The following MRAP variants were observed in gnomAD, a reference collection of about 807,000 sequenced individuals.
The protein encoded by MRAP is melanocortin-2 receptor accessory protein.
Under a neutral mutation model 8.7 loss-of-function variants are expected in MRAP, and 8 were observed. The observed-to-expected ratio is 0.92, with a 90% CI of 0.54 to 1.66. The LOEUF (loss-of-function observed/expected upper bound fraction) is 1.66, where lower values mean the gene tolerates loss of function less well. MRAP is among the 40% of genes most tolerant of loss of function. The pLI is 0.00. For synonymous variants in MRAP, 95 were observed against 95.5 expected (o/e 1.00, Z 0.03); for missense variants, 237 against 217.1 (o/e 1.09, Z -0.58).
At chr21:32,300,341 C>T (rs551677392) in intron 1 of MRAP, among the ~76,000 whole-genome samples, 17 of 151,356 alleles carry the variant, frequency 1.1e-4, no homozygotes, top group African/African-American at 2.7e-4. Context: ...ATGTCAGGGG[C>T]GTCACGCGTC....
intron 2 of MRAP, chr21:32,310,954 T>C (rs1177615979): frequency 6.6e-6 from 1 of 152,246 alleles, no homozygotes; most frequent in Non-Finnish European, 1.5e-5. Context: ...ACAGGGAGGA[T>C]GCATCTCTAG....
chr21:32,312,120 A>C lies in MRAP; in HGVS notation c.*124A>C. ...AGAAAGGGCACCTAGGTCAAGTGCA[A>C]CTAGAGCAGGAGCATCCTATGCCTT... On this transcript the variant is annotated 3_prime_UTR_variant, in exon 3 of 3. Coordinates refer to ENST00000303645, the MANE Select transcript of MRAP (RefSeq NM_001379228.1). The C allele has an allele frequency of 6.4e-7, 1 of 1,557,362 alleles. No homozygotes were observed. The highest frequency in any genetic ancestry group is 1.3e-5 in the African/African-American group (1 of 74,226).
chr21:32,311,876 C>A lies in MRAP; in HGVS notation c.399C>A (p.Leu133=). 6.2e-7 allele frequency: 1 copy of A among 1,614,082 alleles called. No individual in the cohort carries two copies. The highest frequency in any genetic ancestry group is 1.1e-5 in the South Asian group (1 of 91,086). Residue 133 remains leucine, a synonymous_variant, in exon 3 of 3, where the codon CTC becomes CTA. Transcript: ENST00000303645. ...LRQESSSTLP[L]GGFQTHPTLL... is the part of the protein sequence containing the mutation. ...AGGAGAGCTCCTCCACCTTGCCCCT[C>A]GGGGGTTTCCAGACCCACCCCACTC... is the stretch of plus-strand genomic sequence containing the variant.
intron 1 of MRAP, among the ~76,000 whole-genome samples, chr21:32,299,990 A>G (rs2032221581): frequency 6.6e-6 from 1 of 152,168 alleles, no homozygotes; most frequent in Non-Finnish European, 1.5e-5. Context: ...AACAAAACAA[A>G]AACAAAGCCT....
At chr21:32,311,500 C>T in intron 2 of MRAP, 184 bp from the exon 3 acceptor site, 2 of 752,864 alleles carry the variant, frequency 2.7e-6, no homozygotes, top group Non-Finnish European at 4.1e-6. Context: ...ACTTCCTCTC[C>T]TCTGAGATTT....
At chr21:32,314,511 C>A, downstream of MRAP, 1 of 1,573,000 alleles carries the variant, frequency 6.4e-7, no homozygotes, top group Non-Finnish European at 8.8e-7. Context: ...CATCTCTCTT[C>A]GTTTTCATAA....
intron 1 of MRAP, 49 bp downstream of exon 1, chr21:32,299,126 C>T (rs985101615): frequency 1.4e-6 from 2 of 1,460,270 alleles, no homozygotes; most frequent in Non-Finnish European, 9.6e-7. Context: ...GGGGCCGGGG[C>T]CCAAATGACT....
At chr21:32,302,768 T>C (rs1291526491) in intron 1 of MRAP, among the ~76,000 whole-genome samples, 2 of 152,200 alleles carry the variant, frequency 1.3e-5, no homozygotes, top group Admixed American at 1.3e-4. Context: ...TAGTAACCCC[T>C]GGAGGGAGGC....
At chr21:32,306,161 G>A (rs2032410538) in intron 1 of MRAP, among the ~76,000 whole-genome samples, 1 of 152,168 alleles carries the variant, frequency 6.6e-6, no homozygotes, top group Admixed American at 6.5e-5. Context: ...GTAGCCCAGC[G>A]CACATCCTCC....
upstream of MRAP, among the ~76,000 whole-genome samples, chr21:32,295,382 C>T (rs952919985): frequency 1.3e-5 from 2 of 152,142 alleles, no homozygotes; most frequent in African/African-American, 2.4e-5. Context: ...GGGCTGTCCA[C>T]ATGCCATGCT....
chr21:32,310,081 G>GATAA (rs2032520864), intron 2 of MRAP, among the ~76,000 whole-genome samples: 3 of 152,218 alleles, frequency 2.0e-5, no homozygotes, highest in African/African-American at 7.2e-5. Flanking sequence ...TGCCAGGGAA[G>GATAA]GTGCAAAGAT....
chr21:32,309,337 C>A (rs2032496235), intron 2 of MRAP, among the ~76,000 whole-genome samples: 1 of 152,300 alleles, frequency 6.6e-6, no homozygotes, highest in South Asian at 2.1e-4. Flanking sequence ...CTCCTCCCCG[C>A]CCCTGCCTGC....
chr21:32,291,830 T>C (rs1242948492), exon 1 of MRAP: 3 of 152,160 alleles, frequency 2.0e-5, no homozygotes, highest in Non-Finnish European at 4.4e-5. Context: ...GGGGAGGCTA[T>C]GCAGGTGTGT....
In MRAP at chr21:32,311,595, G is replaced by A. The variant is rs1242400069; in HGVS notation, c.207-89G>A. On this transcript the variant is annotated intron_variant, in intron 2 of 2. Transcript: ENST00000303645. ...CTTCCCTATGGGGTCCGGGCAGATG[G>A]CAGGTGTGGCAGGAAACCCCCCAGC... 3.3e-6 allele frequency: 5 copies of A among 1,534,624 alleles called. No individual in the cohort carries two copies. The Admixed American group carries it at 7.9e-5, about 24-fold the overall frequency.
At chr21:32,300,062 T>C (rs930694221) in intron 1 of MRAP, among the ~76,000 whole-genome samples, 3 of 152,200 alleles carry the variant, frequency 2.0e-5, no homozygotes, top group African/African-American at 7.2e-5. Context: ...AAGTCTTAGC[T>C]TCCTTGGGTT....
intron 1 of MRAP, among the ~76,000 whole-genome samples, chr21:32,300,556 T>C (rs577012323): frequency 1.4e-5 from 2 of 146,928 alleles, no homozygotes; most frequent in East Asian, 2.4e-4. Context: ...ACGTGTCCTA[T>C]GTCAGATGTT....
rs745997524 is a variant in MRAP, at chr21:32,311,940, AG to A, written c.465del (p.Ser156AlafsTer25). On this transcript the variant is annotated frameshift_variant, in exon 3 of 3. Coordinates refer to ENST00000303645, the MANE Select transcript of MRAP (RefSeq NM_001379228.1). LOFTEE classifies it low-confidence loss of function (END_TRUNC). The part of the protein sequence containing the change: ...ELTLNGGPLV[R>X]SKPSEPPPGD... ...GACCCTCAATGGGGGTCCCCTCGTCAGGAGCAAGCCCAGCGAGCCTCCCCCT... is the reference window on the plus strand; with the variant it reads ...GACCCTCAATGGGGGTCCCCTCGTCAGAGCAAGCCCAGCGAGCCTCCCCCT... 6.2e-7 allele frequency: 1 copy of A among 1,613,638 alleles called. No individual in the cohort carries two copies. Among genetic ancestry groups the A allele is most frequent in the Non-Finnish European group, 8.5e-7 (1 of 1,180,028 alleles).
At chr21:32,309,390 C>A (rs1158198123) in intron 2 of MRAP, among the ~76,000 whole-genome samples, 2 of 152,026 alleles carry the variant, frequency 1.3e-5, no homozygotes, top group Non-Finnish European at 2.9e-5. Context: ...ACTCGCCAGG[C>A]CATTTCCGCT....
chr21:32,293,537 T>C (rs78049648), intron 2 of MRAP, among the ~76,000 whole-genome samples: 484 of 152,288 alleles, frequency 3.2e-3, no homozygotes, highest in Non-Finnish European at 5.6e-3. Flanking sequence ...TCCCACCACC[T>C]GAGACCATAG....
Sources: allele counts gnomAD v4.1 joint callset (sites outside exome capture counted in the v4.1 genomes callset), GRCh38; gene constraint gnomAD v4.1.1; transcripts MANE v1.5; gene names NCBI Gene and HGNC (gene_info 2026-07-23, HGNC 2026-07-21).